Variants in SLC49A4 observed in about 807,000 individuals in gnomAD.
The protein encoded by SLC49A4 is solute carrier family 49 member 4.
Under a neutral mutation model 50.6 loss-of-function variants are expected in SLC49A4, and 36 were observed. The ratio of observed to expected loss-of-function variants is 0.71; its 90% CI spans 0.55 to 0.94. The LOEUF is 0.94. Among genes scored for constraint, SLC49A4 ranks in the 40% least tolerant of loss-of-function variants. SLC49A4 has a pLI of 0.00. For missense variants in SLC49A4, 503 were observed against 605.7 expected (o/e 0.83, Z 1.78); for synonymous variants, 248 against 241.2 (o/e 1.03, Z -0.26).
chr3:122,796,521 G>A (rs1433916712), intron 1 of SLC49A4, among the ~76,000 whole-genome samples: 6 of 152,164 alleles, frequency 3.9e-5, no homozygotes, highest in African/African-American at 1.4e-4. Flanking sequence ...TGAAGGCTCA[G>A]GCAGAATCGG....
intron 2 of SLC49A4, among the ~76,000 whole-genome samples, chr3:122,822,332 TTTAATGTG>T (rs1936465539): frequency 6.6e-6 from 1 of 152,228 alleles, no homozygotes; most frequent in Admixed American, 6.5e-5. Context: ...CATTTTATCT[TTTAATGTG>T]TGAAAGTGGA....
At chr3:122,829,131 G>C (rs181412365) in intron 3 of SLC49A4, among the ~76,000 whole-genome samples, 176 of 152,294 alleles carry the variant, frequency 1.2e-3, no homozygotes, top group Non-Finnish European at 1.8e-3. Flanking sequence ...CATAAGAAAA[G>C]TAAACTACAG....
At chr3:122,870,774 A>G (rs1347620590) in intron 7 of SLC49A4, among the ~76,000 whole-genome samples, 6 of 151,526 alleles carry the variant, frequency 4.0e-5, no homozygotes, top group African/African-American at 1.5e-4. Context: ...AGATCACACC[A>G]CTGCACTTTA....
chr3:122,866,950 T>C (rs111930650), intron 7 of SLC49A4, among the ~76,000 whole-genome samples: 2 of 152,178 alleles, frequency 1.3e-5, no homozygotes, highest in Non-Finnish European at 1.5e-5. Context: ...ACACTGTGCA[T>C]ATAAATGGTT....
At chr3:122,830,926 C>T (rs552765795) in intron 3 of SLC49A4, among the ~76,000 whole-genome samples, 1 of 152,206 alleles carries the variant, frequency 6.6e-6, no homozygotes, top group Non-Finnish European at 1.5e-5. Context: ...ATTCTTACAA[C>T]TCAACAACAG....
At chr3:122,866,357 T>C (rs955255011) in intron 7 of SLC49A4, among the ~76,000 whole-genome samples, 2 of 152,142 alleles carry the variant, frequency 1.3e-5, no homozygotes, top group African/African-American at 4.8e-5. Context: ...TTGTTTTTAA[T>C]ATCCTGGTTA....
At chr3:122,823,482 G>A (rs1162106113) in intron 2 of SLC49A4, among the ~76,000 whole-genome samples, 1 of 152,210 alleles carries the variant, frequency 6.6e-6, no homozygotes, top group Non-Finnish European at 1.5e-5. Context: ...TACAGTGCTA[G>A]TATCACTGTA....
intron 5 of SLC49A4, among the ~76,000 whole-genome samples, chr3:122,855,383 C>G (rs1936974538): frequency 6.6e-6 from 1 of 152,174 alleles, no homozygotes; most frequent in Admixed American, 6.5e-5. Flanking sequence ...GAAAGAGGAA[C>G]CAGTATTATT....
chr3:122,817,747 ATTTTTTTTTTTTTT>A lies in SLC49A4; in HGVS notation c.438-9038_438-9025del, dbSNP rs77819385. On this transcript the variant is annotated intron_variant, in intron 2 of 8. Coordinates refer to ENST00000261038, the MANE Select transcript of SLC49A4 (RefSeq NM_032839.3). ...AGGCATGTGCCACCACACCCAGCTA[ATTTTTTTTTTTTTT>A]TTTTTTTTTTTTTTGTAGAGACAGG... Among the ~76,000 whole-genome samples, 14 of 71,866 alleles carry A rather than the reference ATTTTTTTTTTTTTT, an allele frequency of 1.9e-4. No individual in the cohort carries two copies. The Admixed American group carries it at 2.9e-3, about 15-fold the overall frequency. The allele number at this position is 71,866 out of a possible 152,430, so 47.1% of individuals were successfully genotyped here. A position where few individuals can be genotyped will look rare whatever the true frequency, so the allele number is the denominator to read the frequency against.
intron 7 of SLC49A4, among the ~76,000 whole-genome samples, chr3:122,871,597 G>A (rs1160178101): frequency 1.3e-5 from 2 of 152,002 alleles, no homozygotes; most frequent in South Asian, 4.1e-4. Context: ...TTAGGATATA[G>A]GGACATGTTT....
chr3:122,867,979 G>A (rs1354701489), intron 7 of SLC49A4, among the ~76,000 whole-genome samples: 1 of 152,186 alleles, frequency 6.6e-6, no homozygotes, highest in Non-Finnish European at 1.5e-5. Flanking sequence ...GCCGGGCATG[G>A]TGGTGGGCGC....
intron 1 of SLC49A4, among the ~76,000 whole-genome samples, chr3:122,800,672 G>T (rs1387957709): frequency 6.6e-6 from 1 of 152,178 alleles, no homozygotes; most frequent in Admixed American, 6.5e-5. Context: ...AGACAAGTTG[G>T]CCTTAGATAG....
At chr3:122,869,031 C>G (rs1263525400) in intron 7 of SLC49A4, among the ~76,000 whole-genome samples, 1 of 152,188 alleles carries the variant, frequency 6.6e-6, no homozygotes, top group African/African-American at 2.4e-5. Context: ...GTCAGCTCAC[C>G]TGGTGATAAC....
intron 2 of SLC49A4, among the ~76,000 whole-genome samples, chr3:122,824,570 T>C (rs1424852593): frequency 2.6e-5 from 4 of 151,984 alleles, no homozygotes; most frequent in Non-Finnish European, 5.9e-5. Context: ...TCTTCTCTTC[T>C]TTCTTTCTCT....
chr3:122,857,552 G>A (rs1937004764), intron 6 of SLC49A4, among the ~76,000 whole-genome samples: 1 of 152,106 alleles, frequency 6.6e-6, no homozygotes. Flanking sequence ...GTTATACCTA[G>A]ACTTTATGGT....
At chr3:122,870,356 T>A (rs923507450) in intron 7 of SLC49A4, among the ~76,000 whole-genome samples, 2 of 150,380 alleles carry the variant, frequency 1.3e-5, no homozygotes, top group East Asian at 2.0e-4. Context: ...AATTTTTATT[T>A]AAAAAAAAAC....
intron 2 of SLC49A4, among the ~76,000 whole-genome samples, chr3:122,817,018 T>A (rs1324027081): frequency 6.6e-6 from 1 of 152,202 alleles, no homozygotes; most frequent in Non-Finnish European, 1.5e-5. Flanking sequence ...ACAGGCAAAT[T>A]GGCTACCTAT....
At chr3:122,868,295 A>G (rs1937148093) in intron 7 of SLC49A4, among the ~76,000 whole-genome samples, 1 of 152,106 alleles carries the variant, frequency 6.6e-6, no homozygotes, top group Admixed American at 6.5e-5. Flanking sequence ...TTTACCATTT[A>G]AAGTGTGGGC....
chr3:122,819,542 A>G (rs1312840835), intron 2 of SLC49A4, among the ~76,000 whole-genome samples: 1 of 152,142 alleles, frequency 6.6e-6, no homozygotes, highest in Non-Finnish European at 1.5e-5. Context: ...CTCAATAGAT[A>G]TTTTTAATTG....
Sources: allele counts gnomAD v4.1 joint callset (sites outside exome capture counted in the v4.1 genomes callset), GRCh38; gene constraint gnomAD v4.1.1; transcripts MANE v1.5; gene names NCBI Gene and HGNC (gene_info 2026-07-23, HGNC 2026-07-21).